SHPRH: variants seen among roughly 807,000 people sequenced by gnomAD.
The protein encoded by SHPRH is E3 ubiquitin-protein ligase SHPRH.
In SHPRH, 106 loss-of-function variants were observed where a neutral mutation model predicts 202.5. That is an observed-to-expected ratio of 0.52 (90% confidence interval 0.45 to 0.62). The LOEUF (loss-of-function observed/expected upper bound fraction) is 0.62. Among genes scored for constraint, SHPRH ranks in the 20% least tolerant of loss-of-function variants. SHPRH has a pLI of 0.00. For synonymous variants in SHPRH, 729 were observed against 686.0 expected (o/e 1.06, Z -0.98); for missense variants, 1,710 against 2,020.0 (o/e 0.85, Z 2.94).
At chr6:145,932,477 T>C (rs903304476) in intron 14 of SHPRH, among the ~76,000 whole-genome samples, 6 of 151,706 alleles carry the variant, frequency 4.0e-5, no homozygotes, top group African/African-American at 1.4e-4. Context: ...GTGCATAATA[T>C]ATAACACTAT....
chr6:145,877,937 T>C (rs574389346), intron 2 of SHPRH: 2 of 152,248 alleles, frequency 1.3e-5, no homozygotes, highest in Non-Finnish European at 2.9e-5. Context: ...ATGTATTTGA[T>C]TGATGTTTTA....
At position 145,893,360 on chromosome 6, in the gene SHPRH, T is replaced by C. The variant is rs375410720; in HGVS notation, c.4729A>G (p.Ile1577Val). 6 of 1,594,956 alleles carry C rather than the reference T, an allele frequency of 3.8e-6. No individual in the cohort carries two copies. Among genetic ancestry groups the C allele is most frequent in the African/African-American group, 1.4e-5 (1 of 73,536 alleles). The change falls in exon 28 of 30, where the codon ATC becomes GTC. Residue 1577 changes from isoleucine (I) to valine (V), a missense_variant. Around this residue, in one of 8 missense-constraint regions of SHPRH, gnomAD observed 306 missense variants for 479.5 expected, o/e 0.64. Transcript: ENST00000275233. ...NLSAFKRDPQ[I>V]NILLLPLHTG... ...TGCAGGGGCAGCAGCAAAATATTGA[T>C]TTGGGGATCACGTTTAAATGCTGAA...
chr6:145,964,140 A>G lies in SHPRH; in HGVS notation c.-442T>C, dbSNP rs1789414209. 6.9e-6 allele frequency: 1 copy of G among 144,514 alleles called. No homozygotes were observed. The highest frequency in any genetic ancestry group is 2.5e-5 in the African/African-American group (1 of 39,820). The allele number at this position is 144,514 out of a possible 1,614,324, so 9.0% of individuals were successfully genotyped here. A position where few individuals can be genotyped will look rare whatever the true frequency, so the allele number is the denominator to read the frequency against. On this transcript the variant is annotated 5_prime_UTR_variant, in exon 1 of 30. The change abolishes an upstream ATG in the 5' untranslated region. Transcript: ENST00000275233. The stretch of plus-strand genomic sequence containing the variant: ...CCCGACCTCTGACCCCTGACCTTCC[A>G]TCACCCAAGCGCCTACCCAAGCTGG...
intron 2 of SHPRH, among the ~76,000 whole-genome samples, chr6:145,953,388 A>G (rs907131847): frequency 2.6e-5 from 4 of 152,234 alleles, no homozygotes; most frequent in African/African-American, 9.6e-5. Context: ...ATAGATTAAC[A>G]CTTGGTCTGT....
At chr6:145,879,910 C>CAAAAAAAAAAAAAAAAAAA (rs67055862), downstream of SHPRH, among the ~76,000 whole-genome samples, 1 of 61,100 alleles carries the variant, frequency 1.6e-5, no homozygotes, top group Non-Finnish European at 2.9e-5. Flanking sequence ...AACTCAATCT[C>CAAAAAAAAAAAAAAAAAAA]AAAAAAAAAA....
chr6:145,928,114 C>T (rs1457919940), intron 14 of SHPRH, among the ~76,000 whole-genome samples: 1 of 151,928 alleles, frequency 6.6e-6, no homozygotes, highest in Non-Finnish European at 1.5e-5. Context: ...TAGAACCTAG[C>T]TCTGCTCATT....
In SHPRH at chr6:145,946,250, T is replaced by G; in HGVS notation, c.1304A>C (p.Glu435Ala). 1 of 1,609,210 alleles carries G rather than the reference T, an allele frequency of 6.2e-7. No individual in the cohort carries two copies. The highest frequency in any genetic ancestry group is 8.5e-7 in the Non-Finnish European group (1 of 1,177,704). Residue 435 changes from glutamate to alanine, a missense_variant, in exon 7 of 30, where the codon GAA becomes GCA. Physicochemically the swap from Glu to Ala is moderately radical, Grantham distance 107. Coordinates refer to ENST00000275233, the MANE Select transcript of SHPRH (RefSeq NM_001042683.3). ...EIQNIEFEPK[E>A]KVQCPPTRVM... ...TTACTTACGAGGGCATTGAACTTTTTCTTTTGGTTCAAATTCGATATTCTG... is the reference window on the plus strand; with the variant it reads ...TTACTTACGAGGGCATTGAACTTTTGCTTTTGGTTCAAATTCGATATTCTG...
intron 4 of SHPRH, among the ~76,000 whole-genome samples, chr6:145,948,708 T>C (rs1338610501): frequency 6.6e-6 from 1 of 152,046 alleles, no homozygotes; most frequent in Non-Finnish European, 1.5e-5. Context: ...AATCTTGCAA[T>C]AAATTATATG....
chr6:145,943,134 T>C lies in SHPRH; in HGVS notation c.2238+9A>G. The C allele has an allele frequency of 1.9e-6, 3 of 1,563,656 alleles. No homozygotes were observed. The highest frequency in any genetic ancestry group is 2.6e-6 in the Non-Finnish European group (3 of 1,154,834). ...TTTTCCTCTCCCTCTTTAGTCCAAG[T>C]GGCCTTACCAAGACTCGAAGAGATG... On this transcript the variant is annotated intron_variant, in intron 9 of 29. Coordinates refer to ENST00000275233, the MANE Select transcript of SHPRH (RefSeq NM_001042683.3).
chr6:145,865,839 AT>A (rs947335437), intron 2 of SHPRH, among the ~76,000 whole-genome samples: 3 of 152,022 alleles, frequency 2.0e-5, no homozygotes, highest in Admixed American at 6.6e-5. Context: ...TTCATTTCCT[AT>A]TTTTTTTCTT....
In SHPRH at chr6:145,922,672, G is replaced by A; in HGVS notation, c.3710C>T (p.Pro1237Leu). Residue 1237 changes from proline (P) to leucine (L), a missense_variant, in exon 19 of 30, where the codon CCT (proline) becomes CTT (leucine). Around this residue, in one of 8 missense-constraint regions of SHPRH, gnomAD observed 288 missense variants for 317.8 expected, o/e 0.91. Transcript: ENST00000275233. ...TVCHLRPARLPLNCCVFCKAD... is the reference protein window; with the variant it reads ...TVCHLRPARLLLNCCVFCKAD... ...TTCTTCTATTACCTACCAGTTGAGAGGAAGTCTGGCTGGTCGGAGGTGACA... is the reference window on the plus strand; with the variant it reads ...TTCTTCTATTACCTACCAGTTGAGAAGAAGTCTGGCTGGTCGGAGGTGACA... The A allele has an allele frequency of 6.2e-7, 1 of 1,603,162 alleles. No homozygotes were observed. Among genetic ancestry groups the A allele is most frequent in the East Asian group, 2.2e-5 (1 of 44,468 alleles).
intron 25 of SHPRH, chr6:145,906,572 T>C (rs1782979570): frequency 1.3e-5 from 2 of 152,150 alleles, no homozygotes; most frequent in Non-Finnish European, 2.9e-5. Context: ...CTTTCTCCTA[T>C]ATCTTCAGTC....
intron 27 of SHPRH, 147 bp from the exon 28 acceptor site, chr6:145,893,540 T>C: frequency 1.4e-6 from 1 of 690,200 alleles, no homozygotes; most frequent in Non-Finnish European, 2.2e-6. Context: ...TTACCAACTT[T>C]AGAAAATGTA....
At position 145,893,202 on chromosome 6, in the gene SHPRH, T is replaced by C; in HGVS notation, c.4874+13A>G. ...CTGAAGCAAATGTGACTGATTCTAATTTTAGTCCTTACTTTGTCTGTCCAA... is the reference window on the plus strand; with the variant it reads ...CTGAAGCAAATGTGACTGATTCTAACTTTAGTCCTTACTTTGTCTGTCCAA... On this transcript the variant is annotated intron_variant, in intron 28 of 29. Coordinates refer to ENST00000275233, the MANE Select transcript of SHPRH (RefSeq NM_001042683.3). 2 of 1,507,936 alleles carry C rather than the reference T, an allele frequency of 1.3e-6. No individual in the cohort carries two copies. Among genetic ancestry groups the C allele is most frequent in the East Asian group, 2.4e-5 (1 of 41,392 alleles). 93.4% of individuals were successfully genotyped at this position (1,507,936 alleles called of 1,614,324 possible).
Position 145,943,415 on chromosome 6 carries a change from C to T in SHPRH, c.1966G>A (p.Asp656Asn), listed in dbSNP as rs776868789. 1.9e-6 allele frequency: 3 copies of T among 1,614,046 alleles called. No individual in the cohort carries two copies. Among genetic ancestry groups the T allele is most frequent in the South Asian group, 2.2e-5 (2 of 91,074 alleles). Residue 656 changes from aspartate (D) to asparagine (N), a missense_variant, in exon 9 of 30, where the codon GAT (aspartate) becomes AAT (asparagine). By Grantham distance (23) the Asp-to-Asn change is conservative. This residue lies in a region of SHPRH where 348 missense variants were observed against 356.9 expected (regional missense o/e 0.97). Coordinates refer to ENST00000275233, the MANE Select transcript of SHPRH (RefSeq NM_001042683.3). ...SNTMSPFNTS[D>N]YRFECICGEL... ...CCACATATACACTCAAAGCGGTAAT[C>T]AGAGGTGTTAAAGGGACTCATGGTA...
chr6:145,884,735 A>G (rs368896923), downstream of SHPRH: 16 of 152,294 alleles, frequency 1.1e-4, no homozygotes, highest in East Asian at 1.4e-3. Flanking sequence ...AGCCATTTTG[A>G]TATCTTTTGT....
chr6:145,955,360 G>A lies in SHPRH; in HGVS notation c.-32-6C>T. 2.6e-6 allele frequency: 4 copies of A among 1,554,702 alleles called. No homozygotes were observed. Among genetic ancestry groups the A allele is most frequent in the Non-Finnish European group, 3.5e-6 (4 of 1,156,610 alleles). On this transcript the variant is annotated splice_polypyrimidine_tract_variant and splice_region_variant and intron_variant, in intron 1 of 29. Transcript: ENST00000275233. ...TTGGCTGGTAACTGTGAACTCTAGA[G>A]GACAAATGAAACAACAGGAGGTATA...
chr6:145,892,382 T>C (rs1196793010), intron 28 of SHPRH, among the ~76,000 whole-genome samples: 3 of 152,188 alleles, frequency 2.0e-5, no homozygotes, highest in South Asian at 4.1e-4. Context: ...CCTTTTATTA[T>C]TATACTTTTG....
intron 11 of SHPRH, among the ~76,000 whole-genome samples, chr6:145,936,804 A>C (rs1296174442): frequency 5.9e-5 from 9 of 152,190 alleles, no homozygotes; most frequent in Non-Finnish European, 4.4e-5. Flanking sequence ...GCTGGGAGTT[A>C]GCAACATCTG....
Sources: allele counts gnomAD v4.1 joint callset (sites outside exome capture counted in the v4.1 genomes callset), GRCh38; gene constraint gnomAD v4.1.1; regional missense constraint gnomAD v4.1.1; transcripts MANE v1.5; gene names NCBI Gene and HGNC (gene_info 2026-07-23, HGNC 2026-07-21).